Variants in CP observed in about 807,000 individuals in gnomAD.
CP encodes the protein caeruloplasmin.
A neutral mutation model predicts 122.4 loss-of-function variants in CP; 64 were observed. The ratio of observed to expected loss-of-function variants is 0.52; its 90% confidence interval spans 0.43 to 0.64. The LOEUF (loss-of-function observed/expected upper bound fraction) is 0.64. Among genes scored for constraint, CP ranks in the 30% least tolerant of loss-of-function variants. CP has a pLI of 0.00. For missense variants in CP, 1,167 were observed against 1,284.4 expected (o/e 0.91, Z 1.40); for synonymous variants, 440 against 436.4 (o/e 1.01, Z -0.10).
chr3:149,197,191 G>A lies in CP; in HGVS notation c.1713+1176C>T, dbSNP rs373567233. On this transcript the variant is annotated intron_variant, in intron 9 of 18. Transcript: ENST00000264613. The stretch of plus-strand genomic sequence containing the variant: ...TTTCGGACTCAGCCCGCCTGCACCC[G>A]GGTGAAATAAACAGCCATGTTGCTC... Among the ~76,000 whole-genome samples, 190 of 152,186 alleles carry A rather than the reference G, an allele frequency of 1.2e-3. 1 individual carries two copies. Among genetic ancestry groups the A allele is most frequent in the Middle Eastern group, 3.4e-3 (1 of 294 alleles).
intron 7 of CP, 138 bp downstream of exon 7, chr3:149,201,964 C>T: frequency 9.0e-7 from 1 of 1,115,698 alleles, no homozygotes; most frequent in Non-Finnish European, 1.3e-6. Flanking sequence ...TTAGCTGCTG[C>T]ATTTTATTGT....
Position 149,177,844 on chromosome 3 carries a change from T to C in CP, c.3014A>G (p.Tyr1005Cys), listed in dbSNP as rs1411671642. ...TVHFHGHSFQ[Y>C]KHRGVYSSDV... ...ATTGCCATGGATAGCTCTTACCTTG[T>C]ATTGGAAGCTATGGCCGTGAAAATG... The change falls in exon 17 of 19, where the codon TAC becomes TGC. Residue 1005 changes from tyrosine (Y) to cysteine (C), a missense_variant. By Grantham distance (194) the Tyr-to-Cys change is radical. This residue lies in a region of CP where 525 missense variants were observed against 657.2 expected (regional missense o/e 0.80). Coordinates refer to ENST00000264613, the MANE Select transcript of CP (RefSeq NM_000096.4). 2 of 1,613,558 alleles carry C rather than the reference T, an allele frequency of 1.2e-6. No individual in the cohort carries two copies. Among genetic ancestry groups the C allele is most frequent in the African/African-American group, 1.3e-5 (1 of 74,902 alleles).
Position 149,207,444 on chromosome 3 carries a change from CAGGAAAG to C in CP, c.948_954del (p.Phe317LeufsTer23). 6.2e-7 allele frequency: 1 copy of C among 1,613,988 alleles called. No homozygotes were observed. The highest frequency in any genetic ancestry group is 2.2e-5 in the East Asian group (1 of 44,872). ...ACCATATAAGCATCAAACAGGGTAG[CAGGAAAG>C]AGGTTGATTGTGTCAATACGGTAGT... On this transcript the variant is annotated frameshift_variant, in exon 5 of 19. Transcript: ENST00000264613. LOFTEE classifies it high-confidence loss of function.
intron 4 of CP, among the ~76,000 whole-genome samples, chr3:149,166,774 C>T (rs924965955): frequency 6.6e-6 from 1 of 152,124 alleles, no homozygotes; most frequent in Non-Finnish European, 1.5e-5. Flanking sequence ...TTTTAATTTG[C>T]AGTCCACACA....
chr3:149,195,850 A>G (rs1329467023), intron 9 of CP, among the ~76,000 whole-genome samples: 1 of 150,918 alleles, frequency 6.6e-6, no homozygotes, highest in Non-Finnish European at 1.5e-5. Context: ...TGGTTGACAG[A>G]GCGAGACACC....
At chr3:149,209,834 A>G (rs1441206435) in intron 3 of CP, among the ~76,000 whole-genome samples, 1 of 152,206 alleles carries the variant, frequency 6.6e-6, no homozygotes, top group Non-Finnish European at 1.5e-5. Flanking sequence ...CTACAGATCT[A>G]TCACCGTGGA....
intron 16 of CP, 148 bp from the exon 17 acceptor site, chr3:149,178,127 T>C (rs1037964245): frequency 1.3e-6 from 1 of 787,480 alleles, no homozygotes; most frequent in East Asian, 2.7e-5. Flanking sequence ...ATGGATACTT[T>C]AAAGTCAATA....
chr3:149,172,962 C>T lies in CP; in HGVS notation c.*752G>A, dbSNP rs980448103. The stretch of plus-strand genomic sequence containing the variant: ...AAGAAATACATCATTGTATTCACAA[C>T]CATGTGTCTTCATTTATAACTTTTT... On this transcript the variant is annotated 3_prime_UTR_variant, in exon 19 of 19. Transcript: ENST00000264613. 2.0e-5 allele frequency: 3 copies of T among 152,524 alleles called. No homozygotes were observed. Among genetic ancestry groups the T allele is most frequent in the South Asian group, 2.1e-4 (1 of 4,834 alleles). 9.4% of individuals were successfully genotyped at this position (152,524 alleles called of 1,614,324 possible). A position where few individuals can be genotyped will look rare whatever the true frequency, so the allele number is the denominator to read the frequency against.
exon 6 of CP, chr3:149,162,459 T>C: frequency 1.1e-6 from 1 of 948,784 alleles, no homozygotes; most frequent in Non-Finnish European, 1.7e-6. Flanking sequence ...ACATAATCAG[T>C]TTATAAGATA....
Position 149,176,339 on chromosome 3 carries a change from C to T in CP, c.3092G>A (p.Arg1031Lys). The T allele has an allele frequency of 1.2e-6, 2 of 1,613,428 alleles. No homozygotes were observed. Among genetic ancestry groups the T allele is most frequent in the East Asian group, 4.5e-5 (2 of 44,866 alleles). The change falls in exon 18 of 19, where the codon AGA (arginine) becomes AAA (lysine). Residue 1031 changes from arginine (R) to lysine (K), a missense_variant. Arg to Lys is a conservative substitution (Grantham distance 26, BLOSUM62 2). Coordinates refer to ENST00000264613, the MANE Select transcript of CP (RefSeq NM_000096.4). ...GTGGAGTAACCAAATTCCAGGTGTT[C>T]TTGGAAACATTTCTAGGGTTTGGTA... ...GTYQTLEMFPRTPGIWLLHCH... is the reference protein window; with the variant it reads ...GTYQTLEMFPKTPGIWLLHCH...
chr3:149,207,607 T>C lies in CP; in HGVS notation c.792A>G (p.Gly264=). The change falls in exon 5 of 19, where the codon GGA becomes GGG. Residue 264 remains glycine, a synonymous_variant. Transcript: ENST00000264613. ...GTCCTGGGAGACTTCCAAAAGTGTATCCATTCACAGCTGTAAGTCAAGAGC... is the reference window on the plus strand; with the variant it reads ...GTCCTGGGAGACTTCCAAAAGTGTACCCATTCACAGCTGTAAGTCAAGAGC... The part of the protein sequence containing the change: ...QESNRMYSVN[G]YTFGSLPGLS... 6.2e-7 allele frequency: 1 copy of C among 1,613,904 alleles called. No individual in the cohort carries two copies.
downstream of CP, among the ~76,000 whole-genome samples, chr3:149,169,897 A>G (rs1159977900): frequency 6.6e-6 from 1 of 152,234 alleles, no homozygotes; most frequent in African/African-American, 2.4e-5. Flanking sequence ...TTTTCTAGAC[A>G]TGCTGGAAGA....
At chr3:149,186,806 G>A (rs1559941662) in intron 10 of CP, 74 bp from the exon 11 acceptor site, 5 of 1,410,178 alleles carry the variant, frequency 3.5e-6, no homozygotes, top group Middle Eastern at 2.4e-4. Flanking sequence ...GACTTTCCAG[G>A]ACCAACTTTG....
chr3:149,221,586 G>T, intron 1 of CP, 61 bp downstream of exon 1: 6 of 1,500,348 alleles, frequency 4.0e-6, no homozygotes, highest in Non-Finnish European at 3.7e-6. Flanking sequence ...CATCTTATTG[G>T]CTCTATCCTT....
At chr3:149,174,517 A>G (rs918664248) in intron 18 of CP, among the ~76,000 whole-genome samples, 2 of 152,192 alleles carry the variant, frequency 1.3e-5, no homozygotes, top group East Asian at 1.9e-4. Flanking sequence ...TCTGGGTGAA[A>G]GGTATATGGG....
At chr3:149,171,387 A>C (rs375927079), downstream of CP, among the ~76,000 whole-genome samples, 5 of 152,278 alleles carry the variant, frequency 3.3e-5, no homozygotes, top group Middle Eastern at 3.4e-3. Context: ...ATGTTACGTT[A>C]GGAACTAATA....
intron 9 of CP, among the ~76,000 whole-genome samples, chr3:149,190,881 C>T (rs984103085): frequency 1.3e-5 from 2 of 152,084 alleles, no homozygotes; most frequent in Non-Finnish European, 2.9e-5. Context: ...CATTTATAAG[C>T]TTAAATGAGA....
downstream of CP, chr3:149,170,688 G>A (rs1002586403): frequency 2.0e-5 from 3 of 152,160 alleles, no homozygotes; most frequent in African/African-American, 7.2e-5. Context: ...AACAAAGGCA[G>A]TTCATTCTTT....
rs760494206 is a variant in CP, at chr3:149,162,913, A to G, written c.*14-38T>C. 8 of 1,509,428 alleles carry G rather than the reference A, an allele frequency of 5.3e-6. No homozygotes were observed. The African/African-American group carries it at 9.6e-5, about 18-fold the overall frequency. The allele number at this position is 1,509,428 out of a possible 1,614,324, so 93.5% of individuals were successfully genotyped here. ...TGGAATAATACCTTAAATTTAACTC[A>G]TGCATTGCCCATTACAAAAACATAC... On this transcript the variant is annotated intron_variant, in intron 5 of 5. Transcript: ENST00000479771.
Sources: gnomAD v4.1 joint callset for allele counts (sites outside exome capture counted in the v4.1 genomes callset) on GRCh38, gnomAD v4.1.1 for gene constraint, gnomAD v4.1.1 regional missense constraint, MANE v1.5 for transcripts, NCBI Gene and HGNC (gene_info 2026-07-23, HGNC 2026-07-21) for gene names.